The following RRP12 variants were observed in gnomAD, a reference collection of about 807,000 sequenced individuals.
The protein encoded by RRP12 is RRP12-like protein.
A neutral mutation model predicts 157.3 loss-of-function variants in RRP12; 78 were observed. The observed-to-expected ratio is 0.50, with a 90% confidence interval of 0.41 to 0.60. RRP12 has a LOEUF of 0.60. Among genes scored for constraint, RRP12 ranks in the 20% least tolerant of loss-of-function variants. The pLI is 0.00. For synonymous variants in RRP12, 726 were observed against 670.9 expected (o/e 1.08, Z -1.27); for missense variants, 1,521 against 1,679.9 (o/e 0.91, Z 1.65).
intron 32 of RRP12, 110 bp from the exon 33 acceptor site, chr10:97,358,729 G>T: frequency 2.2e-6 from 2 of 911,206 alleles, no homozygotes; most frequent in Non-Finnish European, 3.6e-6. Context: ...CTTAGGTGGT[G>T]CCAAAGAGCT....
intron 25 of RRP12, among the ~76,000 whole-genome samples, chr10:97,368,788 T>C (rs763989869): frequency 1.3e-5 from 2 of 152,342 alleles, no homozygotes; most frequent in Non-Finnish European, 2.9e-5. Flanking sequence ...TGTCCCTTCC[T>C]ATCTTGAACC....
intron 3 of RRP12, among the ~76,000 whole-genome samples, chr10:97,395,647 G>A (rs1041785545): frequency 6.6e-6 from 1 of 151,568 alleles, no homozygotes; most frequent in East Asian, 1.9e-4. Context: ...TCAGGAGTTC[G>A]AGACAAGTCT....
chr10:97,400,327 G>T lies in RRP12; in HGVS notation c.347C>A (p.Ser116Tyr). 1 of 1,613,890 alleles carries T rather than the reference G, an allele frequency of 6.2e-7. No homozygotes were observed. The highest frequency in any genetic ancestry group is 8.5e-7 in the Non-Finnish European group (1 of 1,179,980). The change falls in exon 2 of 34, where the codon TCC (serine) becomes TAC (tyrosine). Residue 116 changes from serine (S) to tyrosine (Y), a missense_variant. By Grantham distance (144) the Ser-to-Tyr change is moderately radical. Transcript: ENST00000370992. ...TACCTCCTTGTGGGCAGCCGAGTTGGACTCCCAGAAGCGCTGTACTTTGCT... is the reference window on the plus strand; with the variant it reads ...TACCTCCTTGTGGGCAGCCGAGTTGTACTCCCAGAAGCGCTGTACTTTGCT... ...TFSKVQRFWE[S>Y]NSAAHKEICA...
chr10:97,372,253 G>A (rs1844178494), intron 19 of RRP12, 87 bp from the exon 20 acceptor site: 2 of 991,072 alleles, frequency 2.0e-6, no homozygotes, highest in Non-Finnish European at 3.0e-6. Context: ...TGGGTATGGG[G>A]AGGTGGGAGA....
rs924199039 is a variant in RRP12 at position 97,360,397 on chromosome 10, A to G, written c.3640+149T>C. The G allele has an allele frequency of 7.6e-6, 5 of 661,902 alleles. No homozygotes were observed. The African/African-American group carries it at 9.0e-5, about 12-fold the overall frequency. 41.0% of individuals were successfully genotyped at this position (661,902 alleles called of 1,614,324 possible). ...CCCCTTAGACTCCAGGCCCATCTTGAGTGTCATATCAGCCAACCTCTGTTG... is the reference window on the plus strand; with the variant it reads ...CCCCTTAGACTCCAGGCCCATCTTGGGTGTCATATCAGCCAACCTCTGTTG... On this transcript the variant is annotated intron_variant, in intron 31 of 33. Transcript: ENST00000370992.
chr10:97,361,308 C>T (rs561010162), intron 30 of RRP12, among the ~76,000 whole-genome samples: 9 of 152,320 alleles, frequency 5.9e-5, no homozygotes, highest in South Asian at 4.1e-4. Flanking sequence ...AGGGAGAGCC[C>T]GACAGCGGCC....
intron 28 of RRP12, 100 bp from the exon 29 acceptor site, chr10:97,366,333 C>T (rs1843979454): frequency 6.4e-7 from 1 of 1,564,124 alleles, no homozygotes; most frequent in African/African-American, 1.4e-5. Flanking sequence ...CAAACGGGCG[C>T]CTCTCAGCCC....
At position 97,370,407 on chromosome 10, in the gene RRP12, C is replaced by T. The variant is rs111916860; in HGVS notation, c.2689+48G>A. On this transcript the variant is annotated intron_variant, in intron 23 of 33. Transcript: ENST00000370992. The stretch of plus-strand genomic sequence containing the variant: ...ACCTTTTTTGAGGGGTGCTTCCCCC[C>T]ACCCAGTCTATGAGCAGAGTGTCCA... 114 of 1,090,982 alleles carry T rather than the reference C, an allele frequency of 1.0e-4. 6 individuals carry two copies. The South Asian group carries it at 1.2e-3, about 12-fold the overall frequency. 67.6% of individuals were successfully genotyped at this position (1,090,982 alleles called of 1,614,324 possible). A position where few individuals can be genotyped will look rare whatever the true frequency, so the allele number is the denominator to read the frequency against.
intron 12 of RRP12, 84 bp from the exon 13 acceptor site, chr10:97,380,997 G>T: frequency 9.4e-7 from 1 of 1,061,654 alleles, no homozygotes; most frequent in Non-Finnish European, 1.4e-6. Flanking sequence ...AGCACCCTGA[G>T]CTACAGACGC....
chr10:97,358,687 G>C (rs1843772094), intron 32 of RRP12, 68 bp from the exon 33 acceptor site: 7 of 1,219,250 alleles, frequency 5.7e-6, no homozygotes, highest in Non-Finnish European at 8.5e-6. Flanking sequence ...CCCTAGACTT[G>C]ACAGGCCCCA....
rs771585531 is a variant in RRP12 at position 97,379,625 on chromosome 10, T to C, written c.1676+3A>G. ...TCAGGAAGCCAGCCAGGGCCACACTTACTCAGAGCCATCAATTTCCAAAGG... is the reference window on the plus strand; with the variant it reads ...TCAGGAAGCCAGCCAGGGCCACACTCACTCAGAGCCATCAATTTCCAAAGG... On this transcript the variant is annotated splice_donor_region_variant and intron_variant, in intron 14 of 33. Coordinates refer to ENST00000370992, the MANE Select transcript of RRP12 (RefSeq NM_015179.4). 7 of 1,613,734 alleles carry C rather than the reference T, an allele frequency of 4.3e-6. No homozygotes were observed. The highest frequency in any genetic ancestry group is 5.9e-6 in the Non-Finnish European group (7 of 1,179,850).
At chr10:97,387,024 G>A (rs1038179913) in intron 8 of RRP12, among the ~76,000 whole-genome samples, 3 of 151,962 alleles carry the variant, frequency 2.0e-5, no homozygotes, top group Non-Finnish European at 4.4e-5. Flanking sequence ...CAGTGAGTTG[G>A]CGGGGGTATC....
chr10:97,400,832 G>C (rs912112081), intron 1 of RRP12, among the ~76,000 whole-genome samples: 1 of 152,164 alleles, frequency 6.6e-6, no homozygotes, highest in Non-Finnish European at 1.5e-5. Context: ...GCTCTGTAAA[G>C]AGCTACCCAA....
chr10:97,398,595 C>T (rs936651763), intron 2 of RRP12, among the ~76,000 whole-genome samples: 1 of 151,638 alleles, frequency 6.6e-6, no homozygotes, highest in South Asian at 2.1e-4. Context: ...GATCTGCCCA[C>T]CTCGGCCTCC....
At chr10:97,370,682 G>A (rs117618615) in intron 22 of RRP12, 34 bp downstream of exon 22, 19,000 of 1,610,920 alleles carry the variant, frequency 0.012, 144 homozygotes, top group Middle Eastern at 0.018. Flanking sequence ...CCACATTCCA[G>A]GGACCCCCCT....
chr10:97,364,962 C>G (rs1374818753), intron 29 of RRP12, among the ~76,000 whole-genome samples: 1 of 152,094 alleles, frequency 6.6e-6, no homozygotes, highest in African/African-American at 2.4e-5. Context: ...GAGAGAGGAG[C>G]AGAGAAGACA....
chr10:97,374,807 CT>C (rs1254186476), intron 15 of RRP12, among the ~76,000 whole-genome samples: 1 of 148,176 alleles, frequency 6.7e-6, no homozygotes, highest in African/African-American at 2.5e-5. Flanking sequence ...GAGGAATATA[CT>C]ATATATATAG....
At chr10:97,374,818 G>A (rs1246948723) in intron 15 of RRP12, among the ~76,000 whole-genome samples, 1 of 148,586 alleles carries the variant, frequency 6.7e-6, no homozygotes, top group Non-Finnish European at 1.5e-5. Flanking sequence ...TATATATATA[G>A]CATTCTGTAA....
chr10:97,400,968 C>T (rs1845129753), intron 1 of RRP12, 125 bp downstream of exon 1: 1 of 1,214,636 alleles, frequency 8.2e-7, no homozygotes, highest in Admixed American at 2.7e-5. Context: ...GCTCCAGATC[C>T]GACATCCTAA....
Sources: gnomAD v4.1 joint callset for allele counts (sites outside exome capture counted in the v4.1 genomes callset) on GRCh38, gnomAD v4.1.1 for gene constraint, MANE v1.5 for transcripts, NCBI Gene and HGNC (gene_info 2026-07-23, HGNC 2026-07-21) for gene names.